The following UBAP2 variants were observed in gnomAD, a reference collection of about 807,000 sequenced individuals.
UBAP2 encodes the protein ubiquitin associated protein 2, also known as ubiquitin-associated protein 2.
Under a neutral mutation model 139.6 loss-of-function variants are expected in UBAP2, and 75 were observed. That is an observed-to-expected ratio of 0.54 (90% CI 0.45 to 0.65). The LOEUF is 0.65. Ranked by LOEUF, UBAP2 falls within the 30% of genes least tolerant of loss-of-function variation. UBAP2 has a pLI of 0.00. For missense variants in UBAP2, 1,368 were observed against 1,369.6 expected (o/e 1.00, Z 0.02); for synonymous variants, 526 against 526.2 (o/e 1.00, Z 0.01).
Position 33,927,854 on chromosome 9 carries a change from C to A in UBAP2, c.2314G>T (p.Gly772Trp). Reference protein sequence around the residue: ...MNTANSLCLGGTPASASSSSS... With the variant: ...MNTANSLCLGWTPASASSSSS... ...CTGCTGGATGCACTCGCGGGGGTCC[C>A]ACCCAGACAGAGGCTGTTCGCGGTG... is the stretch of plus-strand genomic sequence containing the variant. Residue 772 changes from glycine (G) to tryptophan (W), a missense_variant, in exon 20 of 29, where the codon GGG (glycine) becomes TGG (tryptophan). Physicochemically the swap from Gly to Trp is radical, Grantham distance 184 (BLOSUM62 -2). Transcript: ENST00000379238. The A allele has an allele frequency of 1.2e-6, 2 of 1,614,224 alleles. No homozygotes were observed. Among genetic ancestry groups the A allele is most frequent in the Admixed American group, 1.7e-5 (1 of 60,030 alleles).
intron 6 of UBAP2, among the ~76,000 whole-genome samples, chr9:33,975,423 C>A (rs1828241394): frequency 6.9e-6 from 1 of 145,090 alleles, no homozygotes; most frequent in Admixed American, 6.9e-5. Flanking sequence ...CAGAGTGAGG[C>A]TCTATCTTTA....
intron 1 of UBAP2, among the ~76,000 whole-genome samples, chr9:34,032,021 T>G (rs1183030336): frequency 6.6e-6 from 1 of 152,022 alleles, no homozygotes; most frequent in African/African-American, 2.4e-5. Context: ...GGCGCATGCC[T>G]GTGGTCCCAC....
chr9:33,973,320 A>AC (rs762643280), intron 6 of UBAP2, 83 bp from the exon 7 acceptor site: 353 of 1,418,176 alleles, frequency 2.5e-4, no homozygotes, highest in Non-Finnish European at 3.3e-4. Context: ...TATACTCACT[A>AC]CCCAGACAAT....
At chr9:33,991,485 A>AAAGCTT (rs1821708695) in intron 4 of UBAP2, among the ~76,000 whole-genome samples, 1 of 152,174 alleles carries the variant, frequency 6.6e-6, no homozygotes, top group African/African-American at 2.4e-5. Context: ...ACATATAGAA[A>AAAGCTT]GAGGTCCTTG....
At chr9:33,966,656 AT>A (rs1445471424) in intron 8 of UBAP2, among the ~76,000 whole-genome samples, 3 of 152,144 alleles carry the variant, frequency 2.0e-5, no homozygotes, top group Non-Finnish European at 4.4e-5. Flanking sequence ...TAATATTAAC[AT>A]ACAAATCTTG....
At chr9:34,001,593 G>A (rs991822789) in intron 2 of UBAP2, among the ~76,000 whole-genome samples, 5 of 152,310 alleles carry the variant, frequency 3.3e-5, no homozygotes, top group East Asian at 1.9e-4. Flanking sequence ...CTTTTTTACC[G>A]TAACCCTTGG....
At chr9:34,022,179 AG>A (rs1237791059) in intron 1 of UBAP2, among the ~76,000 whole-genome samples, 1 of 151,858 alleles carries the variant, frequency 6.6e-6, no homozygotes, top group Non-Finnish European at 1.5e-5. Context: ...CAGGAGGAGG[AG>A]GTTGCAGTGA....
chr9:33,971,878 C>A, intron 7 of UBAP2, 124 bp from the exon 8 acceptor site: 2 of 613,680 alleles, frequency 3.3e-6, no homozygotes, highest in Non-Finnish European at 2.9e-6. Flanking sequence ...TAAAAGACAT[C>A]ACCTCTCCTT....
At position 33,973,253 on chromosome 9, in the gene UBAP2, C is replaced by A. The variant is rs750832932; in HGVS notation, c.521-16G>T. On this transcript the variant is annotated splice_polypyrimidine_tract_variant and intron_variant, in intron 6 of 28. Transcript: ENST00000379238. ...CGTCCAAATCCTTTAAAAAAACACA[C>A]AATTATAGTATAAAATAATACTTAT... is the stretch of plus-strand genomic sequence containing the variant. The A allele has an allele frequency of 9.9e-6, 16 of 1,612,856 alleles. No individual in the cohort carries two copies. In the Admixed American group the frequency reaches 2.3e-4, roughly 24 times the overall value.
intron 1 of UBAP2, among the ~76,000 whole-genome samples, chr9:34,044,090 CAAAAAAAA>C (rs74180528): frequency 1.1e-4 from 9 of 85,156 alleles, no homozygotes; most frequent in Admixed American, 1.4e-4. Context: ...AACTCCACCT[CAAAAAAAA>C]AAAAAAAAAA....
Position 33,927,066 on chromosome 9 carries a change from T to C in UBAP2, c.2386A>G (p.Asn796Asp). 6.2e-7 allele frequency: 1 copy of C among 1,612,396 alleles called. No individual in the cohort carries two copies. The highest frequency in any genetic ancestry group is 8.5e-7 in the Non-Finnish European group (1 of 1,179,222). The change falls in exon 21 of 29, where the codon AAC becomes GAC. Residue 796 changes from asparagine to aspartate, a missense_variant. By Grantham distance (23) the Asn-to-Asp change is conservative (BLOSUM62 1). Transcript: ENST00000379238. ...AGGGGAGGCACCCCCTGAGGTAAGT[T>C]TGGGGGTGCTTTGCCTGTATAGAGG... is the stretch of plus-strand genomic sequence containing the variant. ...PLVTSGKAPP[N>D]LPQGVPPLLH...
At chr9:33,984,491 C>A (rs1431933506) in intron 6 of UBAP2, among the ~76,000 whole-genome samples, 1 of 150,856 alleles carries the variant, frequency 6.6e-6, no homozygotes, top group African/African-American at 2.5e-5. Context: ...TGCAAGACCC[C>A]ATCTCTTAAA....
intron 13 of UBAP2, among the ~76,000 whole-genome samples, chr9:33,944,955 G>C (rs1018596995): frequency 2.0e-5 from 3 of 151,934 alleles, no homozygotes; most frequent in Non-Finnish European, 4.4e-5. Flanking sequence ...TTATTTTATG[G>C]ATTTTCTACA....
chr9:34,016,263 GGAGGAAGAGAAGGAGGAA>G (rs1470367089), intron 2 of UBAP2, among the ~76,000 whole-genome samples: 22 of 30,768 alleles, frequency 7.2e-4, no homozygotes, highest in Admixed American at 4.9e-4. Flanking sequence ...AGGAGGAAGA[GGAGGAAGAGAAGGAGGAA>G]GAGGAGGAGG....
chr9:33,973,664 T>C (rs1022962403), intron 6 of UBAP2, among the ~76,000 whole-genome samples: 5 of 152,190 alleles, frequency 3.3e-5, no homozygotes, highest in African/African-American at 7.2e-5. Context: ...AAGATCAAAA[T>C]GGCAGCAAGC....
intron 6 of UBAP2, 61 bp downstream of exon 6, chr9:33,986,699 C>T (rs776915347): frequency 8.1e-5 from 114 of 1,406,396 alleles, no homozygotes; most frequent in Admixed American, 1.3e-4. Flanking sequence ...AGTCCAGCAA[C>T]GCAACTGCCT....
chr9:33,999,011 T>C (rs953803500), intron 2 of UBAP2, 147 bp from the exon 3 acceptor site: 6 of 576,998 alleles, frequency 1.0e-5, no homozygotes, highest in Non-Finnish European at 1.8e-5. Context: ...CTCTCAACCA[T>C]ATATAACCTG....
Position 33,971,719 on chromosome 9 carries a change from G to C in UBAP2, c.611C>G (p.Ser204Cys), listed in dbSNP as rs778072738. Residue 204 changes from serine to cysteine, a missense_variant, in exon 8 of 29, where the codon TCT becomes TGT. By Grantham distance (112) the Ser-to-Cys change is moderately radical (BLOSUM62 -1). Transcript: ENST00000379238. ...FNPADYSDST[S>C]TDVCGTKLVV... ...TAGCTTTGTCCCACACACATCTGTA[G>C]ATGTAGAATCTGAATAGTCTGCAGG... 6.8e-6 allele frequency: 11 copies of C among 1,611,906 alleles called. No individual in the cohort carries two copies. In the South Asian group the frequency reaches 1.2e-4, roughly 18 times the overall value.
intron 2 of UBAP2, among the ~76,000 whole-genome samples, chr9:34,006,535 G>T (rs1296725280): frequency 6.6e-6 from 1 of 152,068 alleles, no homozygotes; most frequent in Non-Finnish European, 1.5e-5. Context: ...AAATTAACCA[G>T]TGTGGTGGCA....
Sources: gnomAD v4.1 joint callset for allele counts (sites outside exome capture counted in the v4.1 genomes callset) on GRCh38, gnomAD v4.1.1 for gene constraint, MANE v1.5 for transcripts, NCBI Gene and HGNC (gene_info 2026-07-23, HGNC 2026-07-21) for gene names.